The following NRXN2 variants were observed in gnomAD, a reference collection of about 807,000 sequenced individuals.
NRXN2 encodes neurexin-2-beta.
NRXN2 carries 29 observed loss-of-function variants against 128.8 expected under a neutral mutation model. The ratio of observed to expected loss-of-function variants is 0.23; its 90% CI spans 0.17 to 0.31. NRXN2 has a LOEUF of 0.31. Among genes scored for constraint, NRXN2 ranks in the 10% least tolerant of loss-of-function variants. The pLI, the probability that NRXN2 is intolerant of heterozygous loss-of-function variation, is 1.00. For missense variants in NRXN2, 1,881 were observed against 2,452.6 expected, an observed-to-expected ratio of 0.77 and a Z score of 4.92; for synonymous variants, 1,098 against 1,075.2, an observed-to-expected ratio of 1.02 and a Z score of -0.41.
At chr11:64,718,271 C>A (rs2057349458) in intron 1 of NRXN2, among the ~76,000 whole-genome samples, 1 of 152,146 alleles carries the variant, frequency 6.6e-6, no homozygotes, top group Non-Finnish European at 1.5e-5. Context: ...ACACAGCCCC[C>A]TCTCTGTCAA....
chr11:64,644,188 A>G (rs934854898), intron 17 of NRXN2, among the ~76,000 whole-genome samples: 1 of 151,978 alleles, frequency 6.6e-6, no homozygotes, highest in African/African-American at 2.4e-5. Flanking sequence ...CAACATACAC[A>G]CAGACACCCC....
At chr11:64,695,544 T>G (rs922853924) in intron 3 of NRXN2, among the ~76,000 whole-genome samples, 6 of 152,042 alleles carry the variant, frequency 3.9e-5, no homozygotes, top group Non-Finnish European at 7.4e-5. Context: ...AACCACCACC[T>G]GCTAAACCCA....
At chr11:64,616,788 C>T (rs900642003) in intron 22 of NRXN2, among the ~76,000 whole-genome samples, 14 of 152,130 alleles carry the variant, frequency 9.2e-5, no homozygotes, top group African/African-American at 3.4e-4. Context: ...TGCATGCACA[C>T]ATAGCTCAGA....
intron 4 of NRXN2, 144 bp from the exon 5 acceptor site, chr11:64,690,620 C>A (rs2053679820): frequency 1.4e-6 from 1 of 715,740 alleles, no homozygotes; most frequent in Admixed American, 2.2e-5. Context: ...GACTCCCTTG[C>A]CTTCAAGACC....
chr11:64,719,040 G>A (rs1854988893), intron 1 of NRXN2, among the ~76,000 whole-genome samples: 3 of 152,152 alleles, frequency 2.0e-5, no homozygotes, highest in African/African-American at 4.8e-5. Context: ...TAATAATAGT[G>A]TTGTCAAAAT....
Position 64,688,841 on chromosome 11 carries a change from C to T in NRXN2, c.850+1564G>A, listed in dbSNP as rs2053447057. 5.1e-6 allele frequency: 5 copies of T among 980,462 alleles called. No homozygotes were observed. In the African/African-American group the frequency reaches 8.8e-5, roughly 17 times the overall value. 60.7% of individuals were successfully genotyped at this position (980,462 alleles called of 1,614,324 possible). On this transcript the variant is annotated intron_variant, in intron 5 of 22. Coordinates refer to ENST00000265459, the MANE Select transcript of NRXN2 (RefSeq NM_015080.4). ...CTTTCCAGGCCCAGCTCCCAGACCT[C>T]CTCTGGGAAGGTCTCCAGCGCCCCC...
intron 5 of NRXN2, among the ~76,000 whole-genome samples, chr11:64,688,000 A>C (rs2053295311): frequency 6.6e-6 from 1 of 152,220 alleles, no homozygotes; most frequent in African/African-American, 2.4e-5. Flanking sequence ...TCCCACCCAG[A>C]AGCCATTCCT....
In NRXN2 at chr11:64,667,971, G is replaced by A. The variant is rs188484589; in HGVS notation, c.1360-283C>T. The stretch of plus-strand genomic sequence containing the variant: ...CCACTAAATTGCAGTTCATAATAAT[G>A]ACAAGGCCACTGACGTGTGGTAGCT... On this transcript the variant is annotated intron_variant, in intron 8 of 22. Coordinates refer to ENST00000265459, the MANE Select transcript of NRXN2 (RefSeq NM_015080.4). The surrounding 1 kb of genome is among the most constrained non-coding windows in gnomAD (Gnocchi z 5.6). Among the ~76,000 whole-genome samples the A allele has an allele frequency of 6.7e-4, 102 of 152,316 alleles. No homozygotes were observed. The highest frequency in any genetic ancestry group is 2.4e-3 in the African/African-American group (100 of 41,566).
chr11:64,700,493 A>G (rs1012428461), intron 2 of NRXN2, among the ~76,000 whole-genome samples: 1 of 152,170 alleles, frequency 6.6e-6, no homozygotes, highest in African/African-American at 2.4e-5. Flanking sequence ...CTCACATGCA[A>G]TATCACACAT....
Position 64,622,629 on chromosome 11 carries a change from A to G in NRXN2, c.4173+124T>C. ...CCATGGCAACAAAGTCAGCGACAGC[A>G]GCCTTCAGGATCCCAACAGACCCCT... is the stretch of plus-strand genomic sequence containing the variant. On this transcript the variant is annotated intron_variant, in intron 21 of 22. Transcript: ENST00000265459. The surrounding 1 kb of genome is among the most constrained non-coding windows in gnomAD (Gnocchi z 4.3). 1.5e-6 allele frequency: 2 copies of G among 1,372,492 alleles called. No homozygotes were observed. Among genetic ancestry groups the G allele is most frequent in the Non-Finnish European group, 2.0e-6 (2 of 1,013,014 alleles). 85.0% of individuals were successfully genotyped at this position (1,372,492 alleles called of 1,614,324 possible).
intron 2 of NRXN2, 83 bp from the exon 3 acceptor site, chr11:64,697,875 G>A: frequency 6.5e-7 from 1 of 1,536,334 alleles, no homozygotes; most frequent in East Asian, 2.3e-5. Context: ...ACGGACAGGG[G>A]CTCCAAGGGG....
At chr11:64,668,659 T>C (rs2050217634) in intron 7 of NRXN2, 55 bp from the exon 8 acceptor site, 2 of 1,601,040 alleles carry the variant, frequency 1.2e-6, no homozygotes, top group South Asian at 1.1e-5. Context: ...ATCAAATCCC[T>C]AGGAAGAGCT....
At chr11:64,686,385 C>T (rs149400810) in intron 5 of NRXN2, among the ~76,000 whole-genome samples, 154 of 152,312 alleles carry the variant, frequency 1.0e-3, no homozygotes, top group Non-Finnish European at 1.8e-3. Flanking sequence ...GGGTCTCCTA[C>T]GCACAGCCCA....
intron 17 of NRXN2, among the ~76,000 whole-genome samples, chr11:64,644,947 C>G (rs1225466627): frequency 6.6e-6 from 1 of 152,178 alleles, no homozygotes; most frequent in Admixed American, 6.5e-5. Flanking sequence ...GGACATCTCC[C>G]CAATGCTGCT....
chr11:64,654,155 C>T (rs2047913287), intron 11 of NRXN2, among the ~76,000 whole-genome samples: 2 of 152,114 alleles, frequency 1.3e-5, no homozygotes, highest in Admixed American at 6.5e-5. Flanking sequence ...TGCTCTGGGA[C>T]GACTCCCTCC....
At chr11:64,642,044 C>T (rs546932914) in intron 17 of NRXN2, among the ~76,000 whole-genome samples, 4 of 151,974 alleles carry the variant, frequency 2.6e-5, no homozygotes, top group African/African-American at 9.7e-5. Flanking sequence ...GCAGAAATGA[C>T]AGATGTGACA....
intron 17 of NRXN2, chr11:64,642,642 G>A: frequency 1.2e-6 from 2 of 1,601,978 alleles, no homozygotes; most frequent in Non-Finnish European, 8.5e-7. Flanking sequence ...TGAGGCTGGA[G>A]GAGACCCGGG....
At chr11:64,699,704 T>G (rs1382831414) in intron 2 of NRXN2, among the ~76,000 whole-genome samples, 1 of 152,196 alleles carries the variant, frequency 6.6e-6, no homozygotes, top group Non-Finnish European at 1.5e-5. Flanking sequence ...TGAGCCACAG[T>G]GCCCAGCAAT....
Position 64,632,885 on chromosome 11 carries a change from A to G in NRXN2, c.3586-2312T>C, listed in dbSNP as rs767972403. On this transcript the variant is annotated intron_variant, in intron 18 of 22. Coordinates refer to ENST00000265459, the MANE Select transcript of NRXN2 (RefSeq NM_015080.4). The surrounding 1 kb of genome is among the most constrained non-coding windows in gnomAD (Gnocchi z 4.2). ...GAGCGACGCTTTATTAGAAACGTCA[A>G]ATTGCTTTTCTCTTATTTTGCTGCC... is the stretch of plus-strand genomic sequence containing the variant. 2.4e-4 allele frequency among the ~76,000 whole-genome samples: 37 copies of G among 152,332 alleles called. 1 individual carries two copies. The highest frequency in any genetic ancestry group is 1.9e-3 in the Admixed American group (29 of 15,306).
Sources: gnomAD v4.1 joint callset for allele counts (sites outside exome capture counted in the v4.1 genomes callset) on GRCh38, gnomAD v4.1.1 for gene constraint, Gnocchi (gnomAD v3.1) non-coding constraint, MANE v1.5 for transcripts, NCBI Gene and HGNC (gene_info 2026-07-23, HGNC 2026-07-21) for gene names.